CTNNA2: variants seen among roughly 807,000 people sequenced by gnomAD.
The protein encoded by CTNNA2 is catenin alpha-2.
A neutral mutation model predicts 101.0 loss-of-function variants in CTNNA2; 42 were observed. The observed-to-expected ratio is 0.42, with a 90% confidence interval of 0.32 to 0.54. CTNNA2 has a LOEUF of 0.54. Ranked by LOEUF, CTNNA2 falls within the 20% of genes least tolerant of loss-of-function variation. CTNNA2 has a pLI of 0.14. For synonymous variants in CTNNA2, 450 were observed against 456.4 expected (o/e 0.99, Z 0.18); for missense variants, 871 against 1,223.1 (o/e 0.71, Z 4.29).
chr2:80,596,110 A>G (rs1159051714), intron 15 of CTNNA2, among the ~76,000 whole-genome samples: 2 of 151,316 alleles, frequency 1.3e-5, no homozygotes, highest in Non-Finnish European at 2.9e-5. Context: ...TAGTTATTTT[A>G]TTATCTTTGT....
chr2:80,250,198 A>T (rs1265287763), intron 7 of CTNNA2, among the ~76,000 whole-genome samples: 2 of 142,858 alleles, frequency 1.4e-5, no homozygotes, highest in African/African-American at 2.8e-5. Context: ...AGAGAGAGAG[A>T]GAGAGAGTGT....
At chr2:80,613,428 A>G (rs139407333) in intron 17 of CTNNA2, among the ~76,000 whole-genome samples, 18 of 151,556 alleles carry the variant, frequency 1.2e-4, no homozygotes, top group Non-Finnish European at 4.4e-5. Context: ...AGGAATTTTA[A>G]TGAGAAAGTA....
chr2:80,266,771 C>T (rs1046965542), intron 7 of CTNNA2, among the ~76,000 whole-genome samples: 2 of 152,098 alleles, frequency 1.3e-5, no homozygotes, highest in Non-Finnish European at 2.9e-5. Flanking sequence ...GGGAATGAGC[C>T]GCTTATGCAG....
chr2:79,757,685 A>G (rs1672489422), intron 3 of CTNNA2, among the ~76,000 whole-genome samples: 1 of 152,208 alleles, frequency 6.6e-6, no homozygotes, highest in African/African-American at 2.4e-5. Flanking sequence ...CCGAGAACAC[A>G]GCCACAGGTG....
intron 7 of CTNNA2, among the ~76,000 whole-genome samples, chr2:80,324,656 G>A (rs1373700349): frequency 6.6e-6 from 1 of 152,170 alleles, no homozygotes; most frequent in Non-Finnish European, 1.5e-5. Flanking sequence ...TGATTTCCCA[G>A]AATGCTTGGA....
chr2:79,385,169 G>A (rs146604730), intron 4 of CTNNA2, among the ~76,000 whole-genome samples: 13 of 152,282 alleles, frequency 8.5e-5, no homozygotes, highest in African/African-American at 2.4e-4. Flanking sequence ...GTAAAATTGA[G>A]TGTCTAGTGT....
intron 8 of CTNNA2, among the ~76,000 whole-genome samples, chr2:80,405,814 A>G (rs961558465): frequency 1.3e-5 from 2 of 152,314 alleles, no homozygotes; most frequent in African/African-American, 4.8e-5. Flanking sequence ...GTTTGAGGAT[A>G]AGAGTGGATT....
intron 1 of CTNNA2, among the ~76,000 whole-genome samples, chr2:79,640,039 A>G (rs1160591520): frequency 6.6e-6 from 1 of 152,098 alleles, no homozygotes; most frequent in Non-Finnish European, 1.5e-5. Context: ...GTAACGCCCA[A>G]CACTGCTAAT....
chr2:80,449,505 A>G (rs972930749), intron 9 of CTNNA2, among the ~76,000 whole-genome samples: 28 of 152,194 alleles, frequency 1.8e-4, no homozygotes, highest in Admixed American at 2.6e-4. Flanking sequence ...ATAACTTTCT[A>G]TACTTAAAAT....
chr2:79,903,444 C>A (rs73938410), intron 6 of CTNNA2, among the ~76,000 whole-genome samples: 5,906 of 152,088 alleles, frequency 0.039, 377 homozygotes, highest in African/African-American at 0.13. Context: ...TCTGATGATT[C>A]ATCATTGCCT....
chr2:79,402,167 CAG>C (rs1318571872), intron 4 of CTNNA2, among the ~76,000 whole-genome samples: 2 of 151,696 alleles, frequency 1.3e-5, no homozygotes, highest in Non-Finnish European at 3.0e-5. Flanking sequence ...TAAGGAAAAA[CAG>C]AACTGAAAGA....
At chr2:80,106,537 G>A (rs1453352736) in intron 7 of CTNNA2, among the ~76,000 whole-genome samples, 9 of 152,084 alleles carry the variant, frequency 5.9e-5, no homozygotes, top group African/African-American at 1.2e-4. Flanking sequence ...GAAGTAGCAC[G>A]TTTAATCCTG....
Position 79,255,895 on chromosome 2 carries a change from A to G in CTNNA2, c.-405-56814A>G, listed in dbSNP as rs183353028. Among the ~76,000 whole-genome samples, 184 of 152,282 alleles carry G rather than the reference A, an allele frequency of 1.2e-3. 1 individual carries two copies. Among genetic ancestry groups the G allele is most frequent in the African/African-American group, 4.0e-3 (165 of 41,554 alleles). On this transcript the variant is annotated intron_variant, in intron 2 of 21. Coordinates refer to the CTNNA2 transcript ENST00000466387. ...GGACCTAACGCTCCTCAAAGTCAAG[A>G]GCAAATTAATTTTCCAGACAAGTGT...
At chr2:79,556,303 G>C in intron 1 of CTNNA2, among the ~76,000 whole-genome samples, 1 of 151,990 alleles carries the variant, frequency 6.6e-6, no homozygotes, top group Non-Finnish European at 1.5e-5. Context: ...CCTTAGTTGA[G>C]GATCAGAGGA....
intron 15 of CTNNA2, 132 bp downstream of exon 15, chr2:80,589,617 T>A: frequency 1.2e-6 from 1 of 802,962 alleles, no homozygotes; most frequent in Non-Finnish European, 1.9e-6. Context: ...TAAATTTACA[T>A]GTATAAGTCA....
intron 6 of CTNNA2, among the ~76,000 whole-genome samples, chr2:79,887,281 C>G (rs984523825): frequency 1.3e-5 from 2 of 152,066 alleles, no homozygotes; most frequent in Admixed American, 6.6e-5. Flanking sequence ...TGAATCTGAA[C>G]CATACTGAGG....
At chr2:80,072,259 T>C (rs1209549735) in intron 7 of CTNNA2, among the ~76,000 whole-genome samples, 3 of 152,192 alleles carry the variant, frequency 2.0e-5, no homozygotes. Context: ...TTTGGTACTT[T>C]GCACAGATCA....
chr2:80,596,589 G>T (rs1415025392), intron 15 of CTNNA2, among the ~76,000 whole-genome samples: 3 of 151,900 alleles, frequency 2.0e-5, no homozygotes, highest in African/African-American at 7.3e-5. Flanking sequence ...TGGGATTACA[G>T]GCCTGAGCCA....
At chr2:79,229,934 G>A (rs914958440) in intron 2 of CTNNA2, among the ~76,000 whole-genome samples, 4 of 152,196 alleles carry the variant, frequency 2.6e-5, no homozygotes, top group African/African-American at 9.6e-5. Context: ...CTTTGAACTT[G>A]AGAGGGATAA....
Sources: gnomAD v4.1 joint callset for allele counts (sites outside exome capture counted in the v4.1 genomes callset) on GRCh38, gnomAD v4.1.1 for gene constraint, MANE v1.5 for transcripts, NCBI Gene and HGNC (gene_info 2026-07-23, HGNC 2026-07-21) for gene names.